The following GREM2 variants were observed in gnomAD, a reference collection of about 807,000 sequenced individuals.
GREM2 encodes the protein gremlin-2.
GREM2 carries 11 observed loss-of-function variants against 14.2 expected under a neutral mutation model. The ratio of observed to expected loss-of-function variants is 0.78; its 90% CI spans 0.49 to 1.28. The LOEUF (loss-of-function observed/expected upper bound fraction) is 1.28, where lower values mean the gene tolerates loss of function less well. Ranked by LOEUF, GREM2 falls within the 50% of genes most tolerant of loss-of-function variation. The pLI, the probability that GREM2 is intolerant of heterozygous loss-of-function variation, is 0.00. For synonymous variants in GREM2, 98 were observed against 97.6 expected (o/e 1.00, Z -0.02); for missense variants, 210 against 218.5 (o/e 0.96, Z 0.24).
intron 1 of GREM2, among the ~76,000 whole-genome samples, chr1:240,591,102 T>A (rs1354321084): frequency 1.3e-5 from 2 of 152,154 alleles, no homozygotes; most frequent in African/African-American, 4.8e-5. Flanking sequence ...TTAACTGTCT[T>A]CTCCTTAACT....
intron 1 of GREM2, among the ~76,000 whole-genome samples, chr1:240,578,455 T>TTGGCAAGGCAATTCTCTGTTAGTTTGCTC (rs1679415024): frequency 6.6e-6 from 1 of 151,838 alleles, no homozygotes; most frequent in East Asian, 1.9e-4. Context: ...TACACAACCT[T>TTGGCAAGGCAATTCTCTGTTAGTTTGCTC]TGGCAAGGCA....
intron 1 of GREM2, among the ~76,000 whole-genome samples, chr1:240,596,954 C>T (rs906618018): frequency 6.6e-6 from 1 of 152,176 alleles, no homozygotes; most frequent in Non-Finnish European, 1.5e-5. Flanking sequence ...CTGGCCAGTG[C>T]ACAAGTAAAT....
intron 1 of GREM2, among the ~76,000 whole-genome samples, chr1:240,551,593 G>A (rs1250907721): frequency 1.3e-5 from 2 of 151,210 alleles, no homozygotes; most frequent in Non-Finnish European, 2.9e-5. Context: ...GCCTCCCAAA[G>A]TGCCGAGACT....
At chr1:240,549,380 T>C (rs534787131) in intron 1 of GREM2, among the ~76,000 whole-genome samples, 45 of 149,326 alleles carry the variant, frequency 3.0e-4, no homozygotes, top group Admixed American at 6.7e-4. Flanking sequence ...AGTGTGCAGA[T>C]AGAGAACAGG....
chr1:240,525,225 G>A (rs1678194931), intron 1 of GREM2, among the ~76,000 whole-genome samples: 1 of 152,180 alleles, frequency 6.6e-6, no homozygotes, highest in Non-Finnish European at 1.5e-5. Flanking sequence ...TTTCTGAGCT[G>A]TGTCCAGTGC....
At chr1:240,564,289 T>G (rs1679132724) in intron 1 of GREM2, among the ~76,000 whole-genome samples, 2 of 151,944 alleles carry the variant, frequency 1.3e-5, no homozygotes, top group African/African-American at 4.8e-5. Flanking sequence ...GTAGATCACT[T>G]GAAGTCAGGA....
chr1:240,557,608 C>A (rs80284336), intron 1 of GREM2, among the ~76,000 whole-genome samples: 2 of 151,880 alleles, frequency 1.3e-5, no homozygotes, highest in Non-Finnish European at 2.9e-5. Context: ...CATTTACAAT[C>A]TATTAATCCA....
At chr1:240,545,695 T>C (rs1213132698) in intron 1 of GREM2, among the ~76,000 whole-genome samples, 1 of 152,188 alleles carries the variant, frequency 6.6e-6, no homozygotes, top group Non-Finnish European at 1.5e-5. Context: ...GGACACCCAG[T>C]TGGTGCTCAC....
intron 1 of GREM2, among the ~76,000 whole-genome samples, chr1:240,596,360 A>G (rs550104026): frequency 6.6e-6 from 1 of 152,344 alleles, no homozygotes; most frequent in South Asian, 2.1e-4. Context: ...CCTAATGACT[A>G]TGGACCAAAG....
At chr1:240,541,985 A>G (rs1490930044) in intron 1 of GREM2, among the ~76,000 whole-genome samples, 1 of 152,140 alleles carries the variant, frequency 6.6e-6, no homozygotes, top group East Asian at 1.9e-4. Flanking sequence ...AGAGGAAATG[A>G]TATATTGATG....
intron 1 of GREM2, among the ~76,000 whole-genome samples, chr1:240,511,580 G>A (rs936737411): frequency 3.9e-5 from 6 of 152,080 alleles, no homozygotes; most frequent in Non-Finnish European, 8.8e-5. Context: ...GTGAAACCCC[G>A]TCACTACTAA....
intron 1 of GREM2, among the ~76,000 whole-genome samples, chr1:240,544,071 T>C (rs1478763733): frequency 2.0e-5 from 3 of 152,026 alleles, no homozygotes; most frequent in Non-Finnish European, 4.4e-5. Flanking sequence ...GTATAGACAC[T>C]GTACTAGCTA....
Position 240,528,665 on chromosome 1 carries a change from T to C in GREM2, c.-1-35189A>G, listed in dbSNP as rs532542848. ...GCTCGGTGAGTGGCTGAGACGAATC[T>C]GCACTTGAAAATGTTTCTCACCGGC... On this transcript the variant is annotated intron_variant, in intron 1 of 1. Transcript: ENST00000318160. Among the ~76,000 whole-genome samples, 4 of 152,312 alleles carry C rather than the reference T, an allele frequency of 2.6e-5. No individual in the cohort carries two copies. The East Asian group carries it at 7.7e-4, about 29-fold the overall frequency.
At chr1:240,610,664 G>A (rs1353851494) in intron 1 of GREM2, among the ~76,000 whole-genome samples, 1 of 152,212 alleles carries the variant, frequency 6.6e-6, no homozygotes, top group East Asian at 1.9e-4. Flanking sequence ...TGAGTCGATT[G>A]CGAATTATCA....
At chr1:240,495,208 G>A (rs1048971671) in intron 1 of GREM2, among the ~76,000 whole-genome samples, 7 of 152,062 alleles carry the variant, frequency 4.6e-5, no homozygotes, top group East Asian at 3.8e-4. Flanking sequence ...TTTTTACAAC[G>A]GTAGCTACCA....
intron 1 of GREM2, among the ~76,000 whole-genome samples, chr1:240,562,767 A>ATGTGTGTGTATGAGTGTG (rs1679072164): frequency 6.7e-6 from 1 of 149,574 alleles, no homozygotes; most frequent in Non-Finnish European, 1.5e-5. Flanking sequence ...GTGTATGTAT[A>ATGTGTGTGTATGAGTGTG]TGTGTGTGTA....
At chr1:240,530,667 T>G (rs1033661041) in intron 1 of GREM2, 2 of 152,220 alleles carry the variant, frequency 1.3e-5, no homozygotes, top group Non-Finnish European at 2.9e-5. Flanking sequence ...GAAACCATTC[T>G]TTTAGAAAAT....
intron 1 of GREM2, among the ~76,000 whole-genome samples, chr1:240,547,217 GAGGCC>G: frequency 6.6e-6 from 1 of 152,012 alleles, no homozygotes; most frequent in Admixed American, 6.6e-5. Flanking sequence ...AATATGAATG[GAGGCC>G]AGGCACGGTG....
intron 1 of GREM2, among the ~76,000 whole-genome samples, chr1:240,571,771 C>T (rs1318834298): frequency 6.6e-6 from 1 of 152,016 alleles, no homozygotes; most frequent in Non-Finnish European, 1.5e-5. Context: ...GTAATTCTTG[C>T]CTTATGATAA....
Sources: gnomAD v4.1 joint callset for allele counts (sites outside exome capture counted in the v4.1 genomes callset) on GRCh38, gnomAD v4.1.1 for gene constraint, MANE v1.5 for transcripts, NCBI Gene and HGNC (gene_info 2026-07-23, HGNC 2026-07-21) for gene names.